ANO4: variants seen among roughly 807,000 people sequenced by gnomAD.
The protein encoded by ANO4 is anoctamin 4.
A neutral mutation model predicts 141.9 loss-of-function variants in ANO4; 69 were observed. The ratio of observed to expected loss-of-function variants is 0.49; its 90% CI spans 0.40 to 0.59. The LOEUF (loss-of-function observed/expected upper bound fraction) is 0.59. Among genes scored for constraint, ANO4 ranks in the 20% least tolerant of loss-of-function variants. ANO4 has a pLI of 0.00. For synonymous variants in ANO4, 350 were observed against 394.3 expected, an observed-to-expected ratio of 0.89 and a Z score of 1.33; for missense variants, 894 against 1,162.2, an observed-to-expected ratio of 0.77 and a Z score of 3.36.
At chr12:100,832,666 A>G (rs1037059092) in intron 1 of ANO4, among the ~76,000 whole-genome samples, 4 of 152,180 alleles carry the variant, frequency 2.6e-5, no homozygotes, top group South Asian at 4.1e-4. Flanking sequence ...GCTTTTGCTT[A>G]TGTATTTGTT....
intron 3 of ANO4, among the ~76,000 whole-genome samples, chr12:100,786,196 T>G (rs2033868546): frequency 6.6e-6 from 1 of 152,216 alleles, no homozygotes; most frequent in Non-Finnish European, 1.5e-5. Context: ...TCCCTGCAAT[T>G]GCCTAAGTGG....
At chr12:100,804,279 T>A (rs1297980201) in intron 1 of ANO4, among the ~76,000 whole-genome samples, 2 of 152,188 alleles carry the variant, frequency 1.3e-5, no homozygotes, top group Non-Finnish European at 2.9e-5. Flanking sequence ...AAGGACATGA[T>A]CTTGTTCCTT....
intron 8 of ANO4, among the ~76,000 whole-genome samples, chr12:101,004,452 T>C (rs1318115320): frequency 1.3e-5 from 2 of 152,156 alleles, no homozygotes; most frequent in Non-Finnish European, 1.5e-5. Context: ...CAGAGGATCA[T>C]TGCTGACAGG....
At chr12:101,074,088 G>C (rs2048931986) in intron 14 of ANO4, among the ~76,000 whole-genome samples, 1 of 152,152 alleles carries the variant, frequency 6.6e-6, no homozygotes. Flanking sequence ...TGCCTTCAAT[G>C]CAATGTCTTA....
chr12:101,052,836 A>C (rs2047928780), intron 14 of ANO4, among the ~76,000 whole-genome samples: 1 of 152,220 alleles, frequency 6.6e-6, no homozygotes, highest in Admixed American at 6.5e-5. Context: ...TCAATTTCTC[A>C]TCACCCATTA....
At chr12:100,863,590 G>A (rs575680105) in intron 1 of ANO4, among the ~76,000 whole-genome samples, 2 of 152,122 alleles carry the variant, frequency 1.3e-5, no homozygotes, top group African/African-American at 2.4e-5. Context: ...TTAGAATAAA[G>A]TTTATTTATA....
At chr12:100,886,643 A>T (rs1415993905) in intron 1 of ANO4, among the ~76,000 whole-genome samples, 1 of 152,164 alleles carries the variant, frequency 6.6e-6, no homozygotes, top group Non-Finnish European at 1.5e-5. Context: ...ACTACAGCCC[A>T]CAGGCCAAAT....
At chr12:100,737,321 A>G (rs141261295) in intron 2 of ANO4, among the ~76,000 whole-genome samples, 66 of 152,282 alleles carry the variant, frequency 4.3e-4, no homozygotes, top group Non-Finnish European at 8.4e-4. Flanking sequence ...AGACCTGACA[A>G]TGATCACAGG....
chr12:100,892,811 C>T (rs191298035), intron 1 of ANO4, among the ~76,000 whole-genome samples: 37 of 150,730 alleles, frequency 2.5e-4, no homozygotes, highest in Admixed American at 2.3e-3. Flanking sequence ...ATTTTCTATC[C>T]GAGGTTGGTT....
chr12:100,919,687 T>C (rs1201396543), intron 2 of ANO4, among the ~76,000 whole-genome samples: 3 of 145,574 alleles, frequency 2.1e-5, no homozygotes, highest in East Asian at 3.9e-4. Context: ...TGTGTGTGTG[T>C]GTGTGTGTGT....
intron 1 of ANO4, among the ~76,000 whole-genome samples, chr12:100,883,264 A>C: frequency 6.6e-6 from 1 of 152,226 alleles, no homozygotes; most frequent in East Asian, 1.9e-4. Flanking sequence ...CTTAGCACCT[A>C]TTGATCTAAG....
At chr12:100,849,189 C>A (rs1414373979) in intron 1 of ANO4, among the ~76,000 whole-genome samples, 27 of 152,060 alleles carry the variant, frequency 1.8e-4, no homozygotes, top group Admixed American at 1.8e-3. Flanking sequence ...TTGCCTATTA[C>A]AATAGACATG....
intron 1 of ANO4, among the ~76,000 whole-genome samples, chr12:100,861,113 G>T (rs2038450653): frequency 6.6e-6 from 1 of 152,122 alleles, no homozygotes; most frequent in South Asian, 2.1e-4. Flanking sequence ...CCTGCTGATT[G>T]GTCCGTTTTA....
At chr12:100,717,741 C>A (rs184626122) in intron 1 of ANO4, among the ~76,000 whole-genome samples, 98 of 152,358 alleles carry the variant, frequency 6.4e-4, no homozygotes, top group African/African-American at 2.2e-3. Flanking sequence ...AACCCGGGAA[C>A]CGGGTGTCTG....
At chr12:101,062,838 C>T (rs371527840) in intron 14 of ANO4, among the ~76,000 whole-genome samples, 34 of 152,320 alleles carry the variant, frequency 2.2e-4, no homozygotes, top group African/African-American at 6.0e-4. Context: ...GGGTGGGATC[C>T]GCTGAGCTAG....
At chr12:101,098,331 G>A (rs771205708) in intron 21 of ANO4, among the ~76,000 whole-genome samples, 30 of 152,188 alleles carry the variant, frequency 2.0e-4, no homozygotes, top group Non-Finnish European at 4.1e-4. Flanking sequence ...ATAAGATGTT[G>A]ACAACAATGA....
At chr12:101,080,883 T>TATATATATATATATATATACATTATATA (rs1491584060) in intron 15 of ANO4, among the ~76,000 whole-genome samples, 1 of 74,072 alleles carries the variant, frequency 1.4e-5, no homozygotes, top group African/African-American at 3.9e-5. Context: ...TATATATATA[T>TATATATATATATATATATACATTATATA]TATATATATA....
chr12:101,020,476 A>G (rs371257038), intron 9 of ANO4, among the ~76,000 whole-genome samples: 35 of 152,368 alleles, frequency 2.3e-4, no homozygotes, highest in African/African-American at 7.2e-4. Context: ...CAATAAACCA[A>G]TAAGTAAATA....
At chr12:101,083,920 G>C in intron 16 of ANO4, 102 bp downstream of exon 16, 1 of 1,184,134 alleles carries the variant, frequency 8.4e-7, no homozygotes, top group Non-Finnish European at 1.1e-6. Context: ...AAATATTTTT[G>C]CACTTTGTTA....
Sources: gnomAD v4.1 joint callset for allele counts (sites outside exome capture counted in the v4.1 genomes callset) on GRCh38, gnomAD v4.1.1 for gene constraint, MANE v1.5 for transcripts, NCBI Gene and HGNC (gene_info 2026-07-23, HGNC 2026-07-21) for gene names.